The following ANO6 variants were observed in gnomAD, a reference collection of about 807,000 sequenced individuals.
ANO6 encodes anoctamin 6.
In ANO6, 106 loss-of-function variants were observed where a neutral mutation model predicts 117.5. That is an observed-to-expected ratio of 0.90 (90% confidence interval 0.77 to 1.06). The LOEUF is 1.06. Ranked by LOEUF, ANO6 falls within the 50% of genes least tolerant of loss-of-function variation. ANO6 has a pLI of 0.00. For synonymous variants in ANO6, 367 were observed against 385.1 expected (o/e 0.95, Z 0.55); for missense variants, 955 against 1,121.1 (o/e 0.85, Z 2.12).
intron 1 of ANO6, among the ~76,000 whole-genome samples, chr12:45,255,957 G>A (rs1382303592): frequency 6.6e-6 from 1 of 151,774 alleles, no homozygotes; most frequent in South Asian, 2.1e-4. Context: ...GAGTAGCTGG[G>A]ATTACAGGCA....
chr12:45,241,047 G>A (rs1250956901), intron 1 of ANO6, among the ~76,000 whole-genome samples: 1 of 152,152 alleles, frequency 6.6e-6, no homozygotes, highest in Non-Finnish European at 1.5e-5. Flanking sequence ...CTCTTCTTGA[G>A]GAGTATCTTT....
chr12:45,228,722 G>A (rs987102768), intron 1 of ANO6, among the ~76,000 whole-genome samples: 2 of 152,154 alleles, frequency 1.3e-5, no homozygotes, highest in African/African-American at 4.8e-5. Flanking sequence ...GGGCAGTCAG[G>A]TAGCACCTGG....
intron 9 of ANO6, among the ~76,000 whole-genome samples, chr12:45,372,120 G>T (rs980211628): frequency 6.3e-4 from 96 of 152,298 alleles, no homozygotes; most frequent in African/African-American, 2.2e-3. Context: ...AGCAATGGAA[G>T]ATGAAATGAA....
intron 8 of ANO6, among the ~76,000 whole-genome samples, chr12:45,358,861 T>C (rs1941480039): frequency 6.6e-6 from 1 of 151,972 alleles, no homozygotes. Flanking sequence ...CTCAGTTCAC[T>C]GCAACTTCTG....
rs762765934 is a variant in ANO6 at position 45,348,544 on chromosome 12, G to C, written c.660G>C (p.Lys220Asn). Reference protein sequence around the residue: ...RIVYFILSRVKYQVINNVSKF... With the variant: ...RIVYFILSRVNYQVINNVSKF... ...TTTACTTCATCCTCTCTCGGGTCAA[G>C]TATCAAGTGATAAACAATGTTAGCA... Residue 220 changes from lysine to asparagine, a missense_variant, in exon 6 of 20, where the codon AAG becomes AAC. Coordinates refer to ENST00000320560, the MANE Select transcript of ANO6 (RefSeq NM_001025356.3). 6.2e-7 allele frequency: 1 copy of C among 1,613,950 alleles called. No individual in the cohort carries two copies. The highest frequency in any genetic ancestry group is 1.1e-5 in the South Asian group (1 of 91,074).
intron 16 of ANO6, among the ~76,000 whole-genome samples, chr12:45,410,696 T>C (rs946020384): frequency 2.6e-5 from 4 of 152,252 alleles, no homozygotes; most frequent in Admixed American, 2.6e-4. Context: ...GCTTTGCATT[T>C]ATGCACAGGG....
Position 45,342,879 on chromosome 12 carries a change from A to T in ANO6, c.280-4143A>T, listed in dbSNP as rs567234753. ...GTTTTTTGGCAGAGGAGTAAGAGCA[A>T]TGAAGAGAAAAATGGGAGGTATTGC... On this transcript the variant is annotated intron_variant, in intron 3 of 19. Coordinates refer to ENST00000320560, the MANE Select transcript of ANO6 (RefSeq NM_001025356.3). Among the ~76,000 whole-genome samples the T allele has an allele frequency of 9.2e-5, 14 of 152,274 alleles. No individual in the cohort carries two copies. In the South Asian group the frequency reaches 2.9e-3, roughly 32 times the overall value.
chr12:45,342,616 G>A (rs1174972088), intron 3 of ANO6, among the ~76,000 whole-genome samples: 5 of 152,164 alleles, frequency 3.3e-5, no homozygotes. Context: ...TGCAGTTGCT[G>A]CACTGCAGCC....
intron 1 of ANO6, among the ~76,000 whole-genome samples, chr12:45,274,298 A>G (rs765485794): frequency 3.3e-5 from 5 of 152,168 alleles, no homozygotes; most frequent in Non-Finnish European, 7.3e-5. Flanking sequence ...TTAGTTGTTT[A>G]GTAGATGAGT....
Position 45,432,222 on chromosome 12 carries a change from A to AAAGTTAAGTT in ANO6, c.*2916_*2917insAAGTTAAGTT. The stretch of plus-strand genomic sequence containing the variant: ...TTTCACACATTGTGGCATAAGATGT[A>AAAGTTAAGTT]AAGTTTGTAATTAATGTTAATTTCT... On this transcript the variant is annotated 3_prime_UTR_variant, in exon 20 of 20. Coordinates refer to ENST00000320560, the MANE Select transcript of ANO6 (RefSeq NM_001025356.3). The AAAGTTAAGTT allele has an allele frequency of 1.0e-6, 1 of 980,196 alleles. No homozygotes were observed. 60.7% of individuals were successfully genotyped at this position (980,196 alleles called of 1,614,324 possible). A position where few individuals can be genotyped will look rare whatever the true frequency, so the allele number is the denominator to read the frequency against.
At chr12:45,412,109 C>T (rs961954422) in intron 16 of ANO6, among the ~76,000 whole-genome samples, 6 of 152,298 alleles carry the variant, frequency 3.9e-5, no homozygotes, top group Admixed American at 2.0e-4. Context: ...ATTGGAGTAA[C>T]TCTGAGCTGT....
At chr12:45,236,530 C>T (rs564826353) in intron 1 of ANO6, among the ~76,000 whole-genome samples, 1 of 152,302 alleles carries the variant, frequency 6.6e-6, no homozygotes, top group South Asian at 2.1e-4. Flanking sequence ...TTTCCAGCTT[C>T]ATCCATGTCC....
At chr12:45,218,710 T>G (rs1053085525) in intron 1 of ANO6, among the ~76,000 whole-genome samples, 6 of 152,176 alleles carry the variant, frequency 3.9e-5, no homozygotes, top group African/African-American at 1.4e-4. Context: ...GTCCAAAGCC[T>G]TTTACAAAAT....
chr12:45,255,913 T>A (rs1474452158), intron 1 of ANO6, among the ~76,000 whole-genome samples: 1 of 148,730 alleles, frequency 6.7e-6, no homozygotes, highest in Non-Finnish European at 1.5e-5. Flanking sequence ...CTCTGCCTCC[T>A]GGGTTCAAGC....
chr12:45,334,548 T>C (rs769077642), intron 3 of ANO6, among the ~76,000 whole-genome samples: 1 of 152,034 alleles, frequency 6.6e-6, no homozygotes, highest in Non-Finnish European at 1.5e-5. Context: ...AAGGGCCCTT[T>C]GCAGATTTCC....
chr12:45,365,354 CT>C (rs1941657575), intron 8 of ANO6, among the ~76,000 whole-genome samples: 1 of 152,214 alleles, frequency 6.6e-6, no homozygotes, highest in South Asian at 2.1e-4. Flanking sequence ...TTAGAGCCCC[CT>C]GTGCACATCT....
chr12:45,259,430 C>T (rs1013322252), intron 1 of ANO6, among the ~76,000 whole-genome samples: 1 of 152,132 alleles, frequency 6.6e-6, no homozygotes, highest in Non-Finnish European at 1.5e-5. Context: ...TTAAGAACCA[C>T]GATTTTAACA....
intron 1 of ANO6, among the ~76,000 whole-genome samples, chr12:45,221,061 G>GGGGC (rs138077018): frequency 0.012 from 1,791 of 151,800 alleles, 21 homozygotes; most frequent in East Asian, 0.038. Context: ...GTCGGAAGTG[G>GGGGC]GGGGGGGCAG....
At chr12:45,389,247 G>A (rs978787276) in intron 11 of ANO6, among the ~76,000 whole-genome samples, 1 of 152,208 alleles carries the variant, frequency 6.6e-6, no homozygotes, top group Non-Finnish European at 1.5e-5. Context: ...CCAGTAGAAA[G>A]TGACATTTGT....
Sources: allele counts gnomAD v4.1 joint callset (sites outside exome capture counted in the v4.1 genomes callset), GRCh38; gene constraint gnomAD v4.1.1; transcripts MANE v1.5; gene names NCBI Gene and HGNC (gene_info 2026-07-23, HGNC 2026-07-21).